The following CCDC92 variants were observed in gnomAD, a reference collection of about 807,000 sequenced individuals.
CCDC92 encodes coiled-coil domain containing 92.
Under a neutral mutation model 24.9 loss-of-function variants are expected in CCDC92, and 12 were observed. The ratio of observed to expected loss-of-function variants is 0.48; its 90% CI spans 0.31 to 0.78. The LOEUF is 0.78. Ranked by LOEUF, CCDC92 falls within the 30% of genes least tolerant of loss-of-function variation. The pLI, the probability that CCDC92 is intolerant of heterozygous loss-of-function variation, is 0.05. For missense variants in CCDC92, 399 were observed against 439.4 expected (o/e 0.91, Z 0.82); for synonymous variants, 193 against 196.3 (o/e 0.98, Z 0.14).
intron 1 of CCDC92, among the ~76,000 whole-genome samples, chr12:123,947,872 CTT>C (rs1261794919): frequency 4.6e-5 from 7 of 152,308 alleles, no homozygotes; most frequent in East Asian, 1.9e-4. Context: ...ACTGCTCACT[CTT>C]TGTGTCCACG....
At chr12:123,950,634 G>A (rs922676451) in intron 1 of CCDC92, among the ~76,000 whole-genome samples, 1 of 152,112 alleles carries the variant, frequency 6.6e-6, no homozygotes, top group Non-Finnish European at 1.5e-5. Context: ...GCCAGGGGCA[G>A]ACTCACTCTC....
chr12:123,942,997 A>G (rs886491935), intron 3 of CCDC92, among the ~76,000 whole-genome samples: 2 of 152,078 alleles, frequency 1.3e-5, no homozygotes, highest in African/African-American at 2.4e-5. Context: ...TGTTCCCCCA[A>G]ACTCCCTTCC....
intron 1 of CCDC92, among the ~76,000 whole-genome samples, chr12:123,957,785 T>G (rs891500366): frequency 6.8e-5 from 9 of 132,688 alleles, no homozygotes; most frequent in African/African-American, 2.3e-4. Flanking sequence ...CTTGGCTCAC[T>G]GCAACCTCCA....
chr12:123,951,848 T>A (rs1956033725), intron 1 of CCDC92, among the ~76,000 whole-genome samples: 1 of 152,196 alleles, frequency 6.6e-6, no homozygotes, highest in South Asian at 2.1e-4. Context: ...TTCCTAGCAG[T>A]GAGGTGGTTT....
chr12:123,937,468 C>T lies in CCDC92; in HGVS notation c.586G>A (p.Asp196Asn). Residue 196 changes from aspartate (D) to asparagine (N), a missense_variant, in exon 5 of 5, where the codon GAC (aspartate) becomes AAC (asparagine). Asp to Asn is a conservative substitution (Grantham distance 23). Transcript: ENST00000238156. The surrounding 1 kb of genome is among the most constrained non-coding windows in gnomAD (Gnocchi z 8.4). ...LASYKPAPPK[D>N]KLPETPRRRM... ...CGGCGAGGCGTTTCGGGTAGCTTGTCTTTGGGGGGCGCTGGCTTGTAGCTG... is the reference window on the plus strand; with the variant it reads ...CGGCGAGGCGTTTCGGGTAGCTTGTTTTTGGGGGGCGCTGGCTTGTAGCTG... 6.2e-7 allele frequency: 1 copy of T among 1,613,206 alleles called. No individual in the cohort carries two copies. The highest frequency in any genetic ancestry group is 1.6e-4 in the Middle Eastern group (1 of 6,062).
At chr12:123,962,061 C>T (rs1956283770) in intron 1 of CCDC92, among the ~76,000 whole-genome samples, 1 of 152,188 alleles carries the variant, frequency 6.6e-6, no homozygotes, top group Admixed American at 6.5e-5. Context: ...TTGCCCTTTT[C>T]TTTCCCCGTA....
At chr12:123,949,930 C>T (rs1436605818) in intron 1 of CCDC92, among the ~76,000 whole-genome samples, 2 of 152,228 alleles carry the variant, frequency 1.3e-5, no homozygotes, top group Non-Finnish European at 2.9e-5. Flanking sequence ...TTCCAAAGTG[C>T]TATCCCTTCC....
At chr12:123,954,491 C>T (rs55996758) in intron 1 of CCDC92, among the ~76,000 whole-genome samples, 6,420 of 152,256 alleles carry the variant, frequency 0.042, 401 homozygotes, top group African/African-American at 0.13. Context: ...AAAGAGGGTA[C>T]GCAGCCTGTC....
intron 1 of CCDC92, among the ~76,000 whole-genome samples, chr12:123,967,364 A>G (rs557667942): frequency 6.6e-6 from 1 of 152,322 alleles, no homozygotes; most frequent in South Asian, 2.1e-4. Flanking sequence ...TGGGAACACA[A>G]AACTGAGCGA....
At chr12:123,948,143 A>G (rs940582452) in intron 1 of CCDC92, among the ~76,000 whole-genome samples, 1 of 152,170 alleles carries the variant, frequency 6.6e-6, no homozygotes. Flanking sequence ...AGAAAACGGG[A>G]TATACTAAAA....
intron 1 of CCDC92, among the ~76,000 whole-genome samples, chr12:123,965,382 C>G (rs1956368025): frequency 6.6e-6 from 1 of 152,204 alleles, no homozygotes; most frequent in South Asian, 2.1e-4. Context: ...TCTGTATATT[C>G]TGTCCAGAAG....
intron 4 of CCDC92, among the ~76,000 whole-genome samples, chr12:123,939,423 C>T (rs1420327644): frequency 1.3e-5 from 2 of 152,146 alleles, no homozygotes; most frequent in East Asian, 3.9e-4. Context: ...GGGCGCTCCT[C>T]GACTTAGCAT....
At chr12:123,952,859 A>G (rs1236523302) in intron 1 of CCDC92, among the ~76,000 whole-genome samples, 2 of 152,192 alleles carry the variant, frequency 1.3e-5, no homozygotes, top group African/African-American at 2.4e-5. Flanking sequence ...ATTCTTAAAG[A>G]ATTAGGCTTT....
chr12:123,964,410 T>C (rs1566178226), intron 1 of CCDC92, among the ~76,000 whole-genome samples: 3 of 149,292 alleles, frequency 2.0e-5, no homozygotes, highest in African/African-American at 7.4e-5. Context: ...GTCTTCTATA[T>C]GGGGGGGTGA....
intron 4 of CCDC92, among the ~76,000 whole-genome samples, chr12:123,938,340 G>GTC (rs1555264584): frequency 6.6e-6 from 1 of 151,682 alleles, no homozygotes; most frequent in African/African-American, 2.4e-5. Flanking sequence ...CCCTACCCCC[G>GTC]TCTCTCTCAC....
chr12:123,957,320 A>C (rs955725551), intron 1 of CCDC92, among the ~76,000 whole-genome samples: 16 of 152,224 alleles, frequency 1.1e-4, no homozygotes, highest in Non-Finnish European at 1.8e-4. Context: ...TTGACTTCCC[A>C]GTTTTCAGAA....
chr12:123,944,052 A>G (rs981504458), intron 2 of CCDC92: 2 of 529,722 alleles, frequency 3.8e-6, no homozygotes, highest in Non-Finnish European at 6.6e-6. Flanking sequence ...TGGCATCTGG[A>G]GCCAGCCAAA....
chr12:123,961,594 A>T (rs1161574131), intron 1 of CCDC92, among the ~76,000 whole-genome samples: 2 of 152,192 alleles, frequency 1.3e-5, no homozygotes, highest in Non-Finnish European at 1.5e-5. Flanking sequence ...AATGGGGAAA[A>T]GCTAAGTTTT....
intron 1 of CCDC92, among the ~76,000 whole-genome samples, chr12:123,949,661 T>G (rs1365711269): frequency 2.0e-5 from 3 of 152,228 alleles, no homozygotes; most frequent in African/African-American, 7.2e-5. Context: ...GTTTTTCCTA[T>G]GGCAAATCCA....
Sources: allele counts gnomAD v4.1 joint callset (sites outside exome capture counted in the v4.1 genomes callset), GRCh38; gene constraint gnomAD v4.1.1; non-coding constraint Gnocchi (gnomAD v3.1); transcripts MANE v1.5; gene names NCBI Gene and HGNC (gene_info 2026-07-23, HGNC 2026-07-21).